CERCAM: variants seen among roughly 807,000 people sequenced by gnomAD.
CERCAM encodes the protein inactive glycosyltransferase 25 family member 3.
A neutral mutation model predicts 66.0 loss-of-function variants in CERCAM; 59 were observed. The observed-to-expected ratio is 0.89, with a 90% CI of 0.73 to 1.11. CERCAM has a LOEUF of 1.11. Ranked by LOEUF, CERCAM falls within the 50% of genes most tolerant of loss-of-function variation. The pLI, the probability that CERCAM is intolerant of heterozygous loss-of-function variation, is 0.00. For synonymous variants in CERCAM, 318 were observed against 343.6 expected, an observed-to-expected ratio of 0.93 and a Z score of 0.83; for missense variants, 840 against 828.3, an observed-to-expected ratio of 1.01 and a Z score of -0.17.
chr9:128,431,434 T>C, intron 9 of CERCAM, 131 bp downstream of exon 9: 1 of 1,246,280 alleles, frequency 8.0e-7, no homozygotes, highest in Non-Finnish European at 1.1e-6. Context: ...TTCAATCTCC[T>C]CTGTGTTCAA....
Position 128,424,268 on chromosome 9 carries a change from C to T in CERCAM, c.557C>T (p.Pro186Leu). The T allele has an allele frequency of 6.2e-7, 1 of 1,614,044 alleles. No homozygotes were observed. The highest frequency in any genetic ancestry group is 8.5e-7 in the Non-Finnish European group (1 of 1,179,968). Residue 186 changes from proline (P) to leucine (L), a missense_variant, in exon 4 of 13, where the codon CCC becomes CTC. By Grantham distance (98) the Pro-to-Leu change is moderately conservative. Transcript: ENST00000372838. ...YYSNFWCGIT[P>L]QGYYRRTAEY... The stretch of plus-strand genomic sequence containing the variant: ...TCCAACTTCTGGTGTGGGATCACCC[C>T]CCAGGTGAGGCCGGGATGGGGGCCT...
At position 128,435,918 on chromosome 9, in the gene CERCAM, C is replaced by A; in HGVS notation, c.*13C>A. The A allele has an allele frequency of 6.3e-7, 1 of 1,591,276 alleles. No homozygotes were observed. Among genetic ancestry groups the A allele is most frequent in the South Asian group, 1.1e-5 (1 of 89,230 alleles). The stretch of plus-strand genomic sequence containing the variant: ...AGATGAGCTCTAGGTGAGGCCAGGG[C>A]GGGAAGAGGCCCCAGCCCCGTAGAC... On this transcript the variant is annotated intron_variant, in intron 12 of 12. Transcript: ENST00000372838.
Position 128,428,308 on chromosome 9 carries a change from C to T in CERCAM, c.773C>T (p.Ser258Phe). The change falls in exon 6 of 13, where the codon TCC becomes TTC. Residue 258 changes from serine (S) to phenylalanine (F), a missense_variant. Ser to Phe is a radical substitution (Grantham distance 155, BLOSUM62 -2). Transcript: ENST00000372838. The stretch of plus-strand genomic sequence containing the variant: ...ACTCAGCCTGTCTCTGCAGGGGTCT[C>T]CGTCCACGTGTGCAATGAGCACCGT... ...FAYACQAAGV[S>F]VHVCNEHRYG... The T allele has an allele frequency of 6.2e-7, 1 of 1,613,980 alleles. No homozygotes were observed. The highest frequency in any genetic ancestry group is 8.5e-7 in the Non-Finnish European group (1 of 1,179,948).
Position 128,434,050 on chromosome 9 carries a change from G to T in CERCAM, c.1204-52G>T. ...GGCTGTGAGCTTCAGCGTGGAGGGA[G>T]GGGGGTTGTTTAACTCCGAAGAGCC... On this transcript the variant is annotated intron_variant, in intron 9 of 12. Coordinates refer to ENST00000372838, the MANE Select transcript of CERCAM (RefSeq NM_016174.5). This position sits in a 1 kb window ranked among gnomAD's most constrained non-coding sequence, Gnocchi z 4.5. 6.2e-7 allele frequency: 1 copy of T among 1,600,832 alleles called. No individual in the cohort carries two copies. Among genetic ancestry groups the T allele is most frequent in the South Asian group, 1.1e-5 (1 of 88,716 alleles).
rs1409608838 is a variant in CERCAM at position 128,423,278 on chromosome 9, C to T, written c.426+15C>T. The T allele has an allele frequency of 6.2e-7, 1 of 1,601,218 alleles. No homozygotes were observed. Among genetic ancestry groups the T allele is most frequent in the Non-Finnish European group, 8.6e-7 (1 of 1,169,214 alleles). ...ACTATATCCTGGTGAGGAAGTCTGG[C>T]TAGAATCGGGCTTCTGAAAGGCGGT... On this transcript the variant is annotated intron_variant, in intron 3 of 12. Coordinates refer to ENST00000372838, the MANE Select transcript of CERCAM (RefSeq NM_016174.5).
intron 8 of CERCAM, among the ~76,000 whole-genome samples, 161 bp downstream of exon 8, chr9:128,429,197 G>T (rs1323591787): frequency 6.6e-6 from 1 of 152,158 alleles, no homozygotes; most frequent in Non-Finnish European, 1.5e-5. Flanking sequence ...GAGTTCCGGA[G>T]CAGACACACG....
Position 128,421,013 on chromosome 9 carries a change from C to T in CERCAM, c.136C>T (p.Leu46=), listed in dbSNP as rs115294367. The T allele has an allele frequency of 7.7e-4, 1,120 of 1,457,776 alleles. 6 individuals are homozygous for T. The African/African-American group carries it at 0.013, about 17-fold the overall frequency. 90.3% of individuals were successfully genotyped at this position (1,457,776 alleles called of 1,614,324 possible). Residue 46 remains leucine (L), a synonymous_variant, in exon 1 of 13, where the codon CTG becomes TTG. Transcript: ENST00000372838. ...AILARNAEHS[L]PHYLGALERL... is the part of the protein sequence containing the mutation. ...CCTGGCCCGCAATGCCGAACACTCG[C>T]TGCCCCACTACCTGGGCGCTCTGGA...
chr9:128,431,737 C>T (rs1417868841), intron 9 of CERCAM: 1 of 160,684 alleles, frequency 6.2e-6, no homozygotes, highest in Non-Finnish European at 1.4e-5. Flanking sequence ...GGAGAAGAGG[C>T]TTCTAGGCAG....
At chr9:128,432,804 G>A (rs1175428887) in intron 9 of CERCAM, among the ~76,000 whole-genome samples, 3 of 152,002 alleles carry the variant, frequency 2.0e-5, no homozygotes, top group Non-Finnish European at 4.4e-5. Flanking sequence ...TTGGATATTC[G>A]GGGCTGGGGT....
At chr9:128,432,324 C>T (rs925737289) in intron 9 of CERCAM, among the ~76,000 whole-genome samples, 1 of 151,692 alleles carries the variant, frequency 6.6e-6, no homozygotes, top group African/African-American at 2.4e-5. Flanking sequence ...CCATGCCCAG[C>T]CTATGTTGGC....
In CERCAM at chr9:128,424,126, C is replaced by T. The variant is rs759562226; in HGVS notation, c.427-12C>T. On this transcript the variant is annotated splice_polypyrimidine_tract_variant and intron_variant, in intron 3 of 12. Coordinates refer to ENST00000372838, the MANE Select transcript of CERCAM (RefSeq NM_016174.5). ...AGGCAGGGCTGGAGCCTGTGACGTC[C>T]CCTCCTCAAAGTTTGCAGACACAGA... 1.2e-6 allele frequency: 2 copies of T among 1,612,722 alleles called. No individual in the cohort carries two copies. Among genetic ancestry groups the T allele is most frequent in the East Asian group, 2.2e-5 (1 of 44,872 alleles).
chr9:128,423,462 CAAT>C (rs1293146247), intron 3 of CERCAM, among the ~76,000 whole-genome samples, 199 bp downstream of exon 3: 1 of 152,006 alleles, frequency 6.6e-6, no homozygotes, highest in African/African-American at 2.4e-5. Flanking sequence ...ACTAAAAATA[CAAT>C]AATTAGCTGG....
intron 5 of CERCAM, among the ~76,000 whole-genome samples, chr9:128,426,457 A>G (rs1055357718): frequency 1.3e-5 from 2 of 151,928 alleles, no homozygotes; most frequent in Admixed American, 6.6e-5. Context: ...CGTCTCTACT[A>G]AAAATACGAA....
chr9:128,430,639 C>A (rs114378397), intron 8 of CERCAM: 5,439 of 152,362 alleles, frequency 0.036, 232 homozygotes, highest in African/African-American at 0.1. Context: ...CCCCCTCAGG[C>A]AGCCCCCTAC....
In CERCAM at chr9:128,428,322, A is replaced by C; in HGVS notation, c.787A>C (p.Asn263His). ...QAAGVSVHVC[N>H]EHRYGYMNVP... ...TGCAGGGGTCTCCGTCCACGTGTGCAATGAGCACCGTTATGGGTACATGAA... is the reference window on the plus strand; with the variant it reads ...TGCAGGGGTCTCCGTCCACGTGTGCCATGAGCACCGTTATGGGTACATGAA... Residue 263 changes from asparagine to histidine, a missense_variant, in exon 6 of 13, where the codon AAT (asparagine) becomes CAT (histidine). Transcript: ENST00000372838. The C allele has an allele frequency of 6.2e-7, 1 of 1,614,052 alleles. No individual in the cohort carries two copies. Among genetic ancestry groups the C allele is most frequent in the Non-Finnish European group, 8.5e-7 (1 of 1,179,992 alleles).
chr9:128,430,648 A>T (rs568695176), intron 8 of CERCAM: 5 of 152,070 alleles, frequency 3.3e-5, no homozygotes, highest in Admixed American at 1.3e-4. Context: ...GCAGCCCCCT[A>T]CCATCCCACC....
rs760387211 is a variant in CERCAM at position 128,434,146 on chromosome 9, C to T, written c.1248C>T (p.Asp416=). The change falls in exon 10 of 13, where the codon GAC becomes GAT. Residue 416 remains aspartate (D), a synonymous_variant. Transcript: ENST00000372838. This position sits in a 1 kb window ranked among gnomAD's most constrained non-coding sequence, Gnocchi z 4.5. The part of the protein sequence containing the change: ...GLARVLVFED[D]VRFESNFRGR... Reference sequence around the variant, plus strand: ...CCCGGGTCCTGGTGTTTGAGGATGACGTGCGCTTTGAGAGCAACTTCAGGG... The same window carrying T: ...CCCGGGTCCTGGTGTTTGAGGATGATGTGCGCTTTGAGAGCAACTTCAGGG... 3.7e-5 allele frequency: 60 copies of T among 1,614,152 alleles called. No individual in the cohort carries two copies. The highest frequency in any genetic ancestry group is 5.0e-5 in the Admixed American group (3 of 60,010).
Position 128,427,393 on chromosome 9 carries a change from G to A in CERCAM, c.767-909G>A, listed in dbSNP as rs146404305. On this transcript the variant is annotated intron_variant, in intron 5 of 12. Coordinates refer to ENST00000372838, the MANE Select transcript of CERCAM (RefSeq NM_016174.5). ...TTCCCAAAGTGCTGGGATTACAGGC[G>A]TGAGCTACTGTGCCCCGCCTAGGTT... 1.2e-4 allele frequency among the ~76,000 whole-genome samples: 18 copies of A among 152,030 alleles called. 1 individual carries two copies. Among genetic ancestry groups the A allele is most frequent in the Admixed American group, 1.1e-3 (17 of 15,268 alleles).
chr9:128,433,162 C>T (rs2131342031), intron 9 of CERCAM, among the ~76,000 whole-genome samples: 1 of 152,042 alleles, frequency 6.6e-6, no homozygotes, highest in East Asian at 1.9e-4. Context: ...GCCTGTAGTC[C>T]CAGCTACTCG....
Sources: gnomAD v4.1 joint callset for allele counts (sites outside exome capture counted in the v4.1 genomes callset) on GRCh38, gnomAD v4.1.1 for gene constraint, Gnocchi (gnomAD v3.1) non-coding constraint, MANE v1.5 for transcripts, NCBI Gene and HGNC (gene_info 2026-07-23, HGNC 2026-07-21) for gene names.